Variants in NPHP1 observed in about 807,000 individuals in gnomAD.
NPHP1 encodes the protein nephrocystin 1.
Under a neutral mutation model 90.4 loss-of-function variants are expected in NPHP1, and 70 were observed. The ratio of observed to expected loss-of-function variants is 0.77; its 90% confidence interval spans 0.64 to 0.95. The LOEUF (loss-of-function observed/expected upper bound fraction) is 0.95, where lower values mean the gene tolerates loss of function less well. NPHP1 is among the 40% of genes least tolerant of loss of function. The pLI is 0.00. For synonymous variants in NPHP1, 256 were observed against 271.7 expected (o/e 0.94, Z 0.57); for missense variants, 764 against 795.9 (o/e 0.96, Z 0.48).
Position 110,204,929 on chromosome 2 carries a change from G to A in NPHP1, c.40C>T (p.Arg14Trp), listed in dbSNP as rs1685837349. The A allele has an allele frequency of 6.2e-7, 1 of 1,614,002 alleles. No individual in the cohort carries two copies. Among genetic ancestry groups the A allele is most frequent in the Non-Finnish European group, 8.5e-7 (1 of 1,179,930 alleles). Residue 14 changes from arginine to tryptophan, a missense_variant, in exon 1 of 20, where the codon CGG (arginine) becomes TGG (tryptophan). Physicochemically the swap from Arg to Trp is moderately radical, Grantham distance 101. Coordinates refer to ENST00000445609, the MANE Select transcript of NPHP1 (RefSeq NM_001128178.3). Reference sequence around the variant, plus strand: ...TGCTTCAGCTCCTGATTGCGGCGCCGCAGGGCCTGGAGAGGATCTCGCTGT... The same window carrying A: ...TGCTTCAGCTCCTGATTGCGGCGCCACAGGGCCTGGAGAGGATCTCGCTGT... ...RRQRDPLQAL[R>W]RRNQELKQQV...
At chr2:110,139,877 G>A (rs940353360) in intron 16 of NPHP1, among the ~76,000 whole-genome samples, 5 of 152,162 alleles carry the variant, frequency 3.3e-5, no homozygotes, top group South Asian at 2.1e-4. Context: ...CCCACCTACC[G>A]AAGGTTTCGG....
At chr2:110,137,015 T>C (rs1490793701) in intron 16 of NPHP1, among the ~76,000 whole-genome samples, 1 of 152,012 alleles carries the variant, frequency 6.6e-6, no homozygotes, top group Non-Finnish European at 1.5e-5. Context: ...TCAGAAATAA[T>C]GCCGCATATC....
Position 110,144,586 on chromosome 2 carries a change from T to C in NPHP1, c.1353-17A>G. On this transcript the variant is annotated splice_polypyrimidine_tract_variant and intron_variant, in intron 14 of 19. Transcript: ENST00000445609. ...TCATAAGTTCTATAAAAGAATAACATACAATGACAGATATAAGCTGTGGGC... is the reference window on the plus strand; with the variant it reads ...TCATAAGTTCTATAAAAGAATAACACACAATGACAGATATAAGCTGTGGGC... The C allele has an allele frequency of 6.9e-7, 1 of 1,456,790 alleles. No individual in the cohort carries two copies. The highest frequency in any genetic ancestry group is 9.6e-7 in the Non-Finnish European group (1 of 1,036,936). 90.2% of individuals were successfully genotyped at this position (1,456,790 alleles called of 1,614,324 possible).
intron 16 of NPHP1, 55 bp from the exon 17 acceptor site, chr2:110,131,846 T>G: frequency 8.8e-7 from 1 of 1,138,278 alleles, no homozygotes; most frequent in Non-Finnish European, 1.3e-6. Flanking sequence ...ATCCAACTTA[T>G]AATGTTTTGA....
intron 2 of NPHP1, chr2:110,184,815 G>A: frequency 1.4e-6 from 1 of 707,242 alleles, no homozygotes. Flanking sequence ...CCTGATGGCA[G>A]CACCATTGAG....
intron 4 of NPHP1, 51 bp from the exon 5 acceptor site, chr2:110,170,049 G>C (rs1188171578): frequency 6.2e-7 from 1 of 1,608,660 alleles, no homozygotes; most frequent in Middle Eastern, 1.7e-4. Context: ...TACAAGAACA[G>C]ACCAGCTATG....
chr2:110,155,948 G>C (rs1681855909), intron 11 of NPHP1, among the ~76,000 whole-genome samples: 1 of 152,074 alleles, frequency 6.6e-6, no homozygotes. Flanking sequence ...AAGGGACTAG[G>C]GGAGGAATGA....
intron 14 of NPHP1, among the ~76,000 whole-genome samples, chr2:110,145,569 C>T (rs1294504100): frequency 6.6e-6 from 1 of 152,090 alleles, no homozygotes; most frequent in Admixed American, 6.6e-5. Flanking sequence ...AGATTACAGG[C>T]ATTGTGAGCC....
Position 110,135,810 on chromosome 2 carries a change from T to C in NPHP1, c.1530-4019A>G, listed in dbSNP as rs1680143297. Among the ~76,000 whole-genome samples the C allele has an allele frequency of 3.9e-5, 6 of 152,166 alleles. No homozygotes were observed. In the South Asian group the frequency reaches 1.2e-3, roughly 31 times the overall value. On this transcript the variant is annotated intron_variant, in intron 16 of 19. Transcript: ENST00000445609. The stretch of plus-strand genomic sequence containing the variant: ...TTGTAAATTAATCCTTTATCTTAAT[T>C]CCTAAGATTAGATTTTTAGAAGGGA...
At chr2:110,196,251 C>T (rs963195450) in intron 2 of NPHP1, among the ~76,000 whole-genome samples, 1 of 151,912 alleles carries the variant, frequency 6.6e-6, no homozygotes, top group African/African-American at 2.4e-5. Context: ...TTGCAATCTA[C>T]TCATCTGACA....
Position 110,162,908 on chromosome 2 carries a change from G to A in NPHP1, c.859+140C>T. 4 of 711,224 alleles carry A rather than the reference G, an allele frequency of 5.6e-6. 1 individual carries two copies. Among genetic ancestry groups the A allele is most frequent in the South Asian group, 4.5e-5 (3 of 66,758 alleles). The allele number at this position is 711,224 out of a possible 1,614,324, so 44.1% of individuals were successfully genotyped here. A position where few individuals can be genotyped will look rare whatever the true frequency, so the allele number is the denominator to read the frequency against. ...GGATCTTTCCTCACTGTCATAGGAA[G>A]GATGAGGAAAAGATGAGCACCAAAG... On this transcript the variant is annotated intron_variant, in intron 9 of 19. Coordinates refer to ENST00000445609, the MANE Select transcript of NPHP1 (RefSeq NM_001128178.3).
In NPHP1 at chr2:110,124,011, A is replaced by G; in HGVS notation, c.1814T>C (p.Val605Ala). ...GCGTGTGGAGTGGAGAAGTGGGAGCACGCAGTCATGGTAAACCAGGAGAAA... is the reference window on the plus strand; with the variant it reads ...GCGTGTGGAGTGGAGAAGTGGGAGCGCGCAGTCATGGTAAACCAGGAGAAA... The part of the protein sequence containing the change: ...STFLLVYHDC[V>A]LPLLHSTRLP... The change falls in exon 20 of 20, where the codon GTG becomes GCG. Residue 605 changes from valine to alanine, a missense_variant. Coordinates refer to ENST00000445609, the MANE Select transcript of NPHP1 (RefSeq NM_001128178.3). 1 of 1,614,126 alleles carries G rather than the reference A, an allele frequency of 6.2e-7. No individual in the cohort carries two copies. Among genetic ancestry groups the G allele is most frequent in the Non-Finnish European group, 8.5e-7 (1 of 1,179,978 alleles).
chr2:110,125,974 C>A, intron 18 of NPHP1: 1 of 449,394 alleles, frequency 2.2e-6, no homozygotes, highest in Non-Finnish European at 4.1e-6. Flanking sequence ...AACTATACAA[C>A]CACAGCACCT....
At position 110,183,625 on chromosome 2, in the gene NPHP1, G is replaced by A. The variant is rs990215956; in HGVS notation, c.144-3941C>T. ...CCGCTGGGTTAGGGTCTCCATGACCGAGCTGGTCTCGGCAACCCAGATTCA... is the reference window on the plus strand; with the variant it reads ...CCGCTGGGTTAGGGTCTCCATGACCAAGCTGGTCTCGGCAACCCAGATTCA... On this transcript the variant is annotated intron_variant, in intron 2 of 19. Coordinates refer to ENST00000445609, the MANE Select transcript of NPHP1 (RefSeq NM_001128178.3). 4.6e-5 allele frequency among the ~76,000 whole-genome samples: 7 copies of A among 152,202 alleles called. No homozygotes were observed. In the South Asian group the frequency reaches 8.3e-4, roughly 18 times the overall value.
intron 2 of NPHP1, among the ~76,000 whole-genome samples, chr2:110,196,898 A>T (rs1374407043): frequency 2.0e-5 from 3 of 152,166 alleles, no homozygotes; most frequent in African/African-American, 7.2e-5. Context: ...GCAAATTATC[A>T]CAAGGACAGA....
chr2:110,144,644 T>C, intron 14 of NPHP1, 75 bp from the exon 15 acceptor site: 1 of 860,610 alleles, frequency 1.2e-6, no homozygotes. Flanking sequence ...TAGTTAAATA[T>C]TTTTTAGCAC....
intron 19 of NPHP1, chr2:110,124,669 A>C (rs950663168): frequency 2.2e-5 from 4 of 179,370 alleles, no homozygotes; most frequent in African/African-American, 9.4e-5. Flanking sequence ...GAGCACAGCA[A>C]GTTGAGGGCA....
intron 16 of NPHP1, among the ~76,000 whole-genome samples, chr2:110,138,898 C>T (rs188280521): frequency 1.3e-5 from 2 of 152,198 alleles, no homozygotes; most frequent in Admixed American, 1.3e-4. Context: ...TTTCTCACAA[C>T]ATGAAGCAAT....
intron 5 of NPHP1, 83 bp downstream of exon 5, chr2:110,169,723 T>C (rs1682977272): frequency 1.1e-6 from 1 of 882,680 alleles, no homozygotes; most frequent in South Asian, 1.3e-5. Context: ...GAATCTGTAA[T>C]ACAGGTGTAC....
Sources: gnomAD v4.1 joint callset for allele counts (sites outside exome capture counted in the v4.1 genomes callset) on GRCh38, gnomAD v4.1.1 for gene constraint, MANE v1.5 for transcripts, NCBI Gene and HGNC (gene_info 2026-07-23, HGNC 2026-07-21) for gene names.